Variants in ZDHHC14 observed in about 807,000 individuals in gnomAD.
ZDHHC14 encodes the protein palmitoyltransferase ZDHHC14.
A neutral mutation model predicts 47.7 loss-of-function variants in ZDHHC14; 16 were observed. The ratio of observed to expected loss-of-function variants is 0.34; its 90% CI spans 0.23 to 0.51. The LOEUF (loss-of-function observed/expected upper bound fraction) is 0.51. ZDHHC14 is among the 20% of genes least tolerant of loss of function. The probability of loss-of-function intolerance (pLI) is 0.97; values close to 1 mark genes in which losing one functional copy is unlikely to be tolerated. For missense variants in ZDHHC14, 515 were observed against 662.5 expected, an observed-to-expected ratio of 0.78 and a Z score of 2.44; for synonymous variants, 293 against 278.9, an observed-to-expected ratio of 1.05 and a Z score of -0.50.
At chr6:157,612,653 G>C (rs973075984) in intron 3 of ZDHHC14, among the ~76,000 whole-genome samples, 1 of 152,166 alleles carries the variant, frequency 6.6e-6, no homozygotes, top group Admixed American at 6.5e-5. Flanking sequence ...CCACAGTTGG[G>C]TAAGCTTCAA....
intron 1 of ZDHHC14, among the ~76,000 whole-genome samples, chr6:157,392,849 G>A (rs978650506): frequency 6.6e-6 from 1 of 151,882 alleles, no homozygotes; most frequent in Non-Finnish European, 1.5e-5. Flanking sequence ...AACTGCAATG[G>A]CACTTTTTTT....
rs946339703 is a variant in ZDHHC14 at position 157,514,185 on chromosome 6, C to T, written c.246-28400C>T. Among the ~76,000 whole-genome samples the T allele has an allele frequency of 3.9e-5, 6 of 152,288 alleles. No homozygotes were observed. In the East Asian group the frequency reaches 5.8e-4, roughly 15 times the overall value. On this transcript the variant is annotated intron_variant, in intron 1 of 8. Transcript: ENST00000359775. ...GTTGGGATATACCATATTGAAGGCACGTGGGTATAAATGGGTTCCAGGGCT... is the reference window on the plus strand; with the variant it reads ...GTTGGGATATACCATATTGAAGGCATGTGGGTATAAATGGGTTCCAGGGCT...
chr6:157,630,722 CACACACCG>C (rs1289982925), intron 4 of ZDHHC14: 2 of 150,710 alleles, frequency 1.3e-5, no homozygotes, highest in East Asian at 3.9e-4. Flanking sequence ...CTTACACACC[CACACACCG>C]CCTTACACAC....
chr6:157,400,885 A>T (rs1777622226), intron 1 of ZDHHC14, among the ~76,000 whole-genome samples: 1 of 152,170 alleles, frequency 6.6e-6, no homozygotes, highest in Non-Finnish European at 1.5e-5. Flanking sequence ...CGCCTTTATC[A>T]TCCCCTGGCC....
intron 3 of ZDHHC14, among the ~76,000 whole-genome samples, chr6:157,597,206 C>T (rs897879813): frequency 2.0e-5 from 3 of 152,176 alleles, no homozygotes; most frequent in Admixed American, 6.5e-5. Flanking sequence ...TCTTCTCTCT[C>T]GGATCCTCAT....
chr6:157,614,497 A>G (rs909189722), intron 3 of ZDHHC14, among the ~76,000 whole-genome samples: 1 of 152,168 alleles, frequency 6.6e-6, no homozygotes, highest in Non-Finnish European at 1.5e-5. Flanking sequence ...AAGGCTCTCC[A>G]TAGAGAAGGG....
At chr6:157,635,075 C>T in intron 5 of ZDHHC14, among the ~76,000 whole-genome samples, 1 of 152,086 alleles carries the variant, frequency 6.6e-6, no homozygotes, top group East Asian at 1.9e-4. Flanking sequence ...CTCACTGCAA[C>T]CTCCGCCTCC....
At chr6:157,509,173 C>T (rs1583724817) in intron 1 of ZDHHC14, among the ~76,000 whole-genome samples, 1 of 152,186 alleles carries the variant, frequency 6.6e-6, no homozygotes, top group South Asian at 2.1e-4. Context: ...CACCCCTCTA[C>T]GCCCTTTGTC....
intron 3 of ZDHHC14, among the ~76,000 whole-genome samples, chr6:157,612,953 A>G (rs927118629): frequency 6.6e-6 from 1 of 152,134 alleles, no homozygotes; most frequent in African/African-American, 2.4e-5. Flanking sequence ...TGAAACCCAT[A>G]TCCTTCACCC....
At chr6:157,672,255 G>A (rs997706904) in intron 8 of ZDHHC14, among the ~76,000 whole-genome samples, 11 of 152,186 alleles carry the variant, frequency 7.2e-5, no homozygotes, top group Admixed American at 2.0e-4. Flanking sequence ...GTGGACACTT[G>A]AGTCACTTTT....
intron 1 of ZDHHC14, among the ~76,000 whole-genome samples, chr6:157,503,831 A>C (rs1207106952): frequency 6.6e-5 from 10 of 152,220 alleles, no homozygotes; most frequent in Admixed American, 6.5e-4. Context: ...AAGCGTTGGC[A>C]ATGATGCGTA....
chr6:157,459,988 G>A (rs1779029411), intron 1 of ZDHHC14, among the ~76,000 whole-genome samples: 1 of 149,446 alleles, frequency 6.7e-6, no homozygotes, highest in African/African-American at 2.5e-5. Context: ...GAGGTAGGAG[G>A]ATCACTTGAG....
At chr6:157,391,115 A>G (rs1777411509) in intron 1 of ZDHHC14, among the ~76,000 whole-genome samples, 1 of 152,252 alleles carries the variant, frequency 6.6e-6, no homozygotes, top group Non-Finnish European at 1.5e-5. Flanking sequence ...AGGCACAATC[A>G]GGACTTCCCC....
chr6:157,443,235 C>T (rs1285771437), intron 1 of ZDHHC14, among the ~76,000 whole-genome samples: 2 of 152,310 alleles, frequency 1.3e-5, no homozygotes, highest in Admixed American at 1.3e-4. Flanking sequence ...GGTGCTGCTT[C>T]CCCTTCCACC....
intron 4 of ZDHHC14, chr6:157,630,728 CCG>C (rs1218042647): frequency 2.0e-5 from 3 of 150,230 alleles, no homozygotes; most frequent in African/African-American, 7.6e-5. Flanking sequence ...CACCCACACA[CCG>C]CCTTACACAC....
chr6:157,575,828 C>A (rs1783284903), intron 2 of ZDHHC14, among the ~76,000 whole-genome samples: 1 of 152,234 alleles, frequency 6.6e-6, no homozygotes, highest in African/African-American at 2.4e-5. Flanking sequence ...GCACCAGCTC[C>A]CTTTTGCCCA....
intron 1 of ZDHHC14, among the ~76,000 whole-genome samples, chr6:157,409,189 G>A (rs966264246): frequency 1.3e-5 from 2 of 152,188 alleles, no homozygotes; most frequent in Non-Finnish European, 2.9e-5. Flanking sequence ...AGGGAGAAGA[G>A]GCCAGCCGGT....
intron 2 of ZDHHC14, among the ~76,000 whole-genome samples, chr6:157,581,598 C>T (rs1783523096): frequency 1.3e-5 from 2 of 152,082 alleles, no homozygotes; most frequent in African/African-American, 4.8e-5. Flanking sequence ...AATCTAGGTG[C>T]TCCTGTGTTA....
At chr6:157,431,732 AT>A (rs34330435) in intron 1 of ZDHHC14, among the ~76,000 whole-genome samples, 39,072 of 142,382 alleles carry the variant, frequency 0.27, 4,869 homozygotes, top group East Asian at 0.33. Context: ...TTTTAATATA[AT>A]TTTTTTTTTT....
Sources: gnomAD v4.1 joint callset for allele counts (sites outside exome capture counted in the v4.1 genomes callset) on GRCh38, gnomAD v4.1.1 for gene constraint, MANE v1.5 for transcripts, NCBI Gene and HGNC (gene_info 2026-07-23, HGNC 2026-07-21) for gene names.